Variants in ADAM18 observed in about 807,000 individuals in gnomAD.
The protein encoded by ADAM18 is disintegrin and metalloproteinase domain-containing protein 18.
Under a neutral mutation model 94.4 loss-of-function variants are expected in ADAM18, and 117 were observed. The ratio of observed to expected loss-of-function variants is 1.24; its 90% CI spans 1.07 to 1.45. The LOEUF (loss-of-function observed/expected upper bound fraction) is 1.45, where lower values mean the gene tolerates loss of function less well. Among genes scored for constraint, ADAM18 ranks in the 40% most tolerant of loss-of-function variants. The probability of loss-of-function intolerance (pLI) is 0.00; values close to 1 mark genes in which losing one functional copy is unlikely to be tolerated. For missense variants in ADAM18, 936 were observed against 880.0 expected, an observed-to-expected ratio of 1.06 and a Z score of -0.81; for synonymous variants, 327 against 291.6, an observed-to-expected ratio of 1.12 and a Z score of -1.24.
At chr8:39,719,659 A>G (rs1822692326) in intron 18 of ADAM18, among the ~76,000 whole-genome samples, 1 of 151,482 alleles carries the variant, frequency 6.6e-6, no homozygotes, top group Non-Finnish European at 1.5e-5. Flanking sequence ...AAGCACATGT[A>G]AAGACGCCCA....
intron 17 of ADAM18, among the ~76,000 whole-genome samples, chr8:39,705,809 T>A (rs201809703): frequency 6.6e-6 from 1 of 152,176 alleles, no homozygotes; most frequent in East Asian, 1.9e-4. Flanking sequence ...TTACAGGGAA[T>A]ACTTACACTA....
intron 17 of ADAM18, among the ~76,000 whole-genome samples, chr8:39,697,307 C>T (rs1821953113): frequency 6.6e-6 from 1 of 151,486 alleles, no homozygotes; most frequent in Non-Finnish European, 1.5e-5. Flanking sequence ...ACATTATCTG[C>T]AAATATATTT....
At chr8:39,609,204 A>C in intron 4 of ADAM18, 84 bp downstream of exon 4, 1 of 983,236 alleles carries the variant, frequency 1.0e-6, no homozygotes. Context: ...GTTTAATACA[A>C]ATGTTTTATC....
At chr8:39,661,319 A>ATTTTTTTTTTTTTTTT (rs71518171) in intron 12 of ADAM18, among the ~76,000 whole-genome samples, 2 of 112,852 alleles carry the variant, frequency 1.8e-5, no homozygotes, top group African/African-American at 8.2e-5. Context: ...CACCCGGCAA[A>ATTTTTTTTTTTTTTTT]TTTTTTTTTT....
intron 14 of ADAM18, among the ~76,000 whole-genome samples, chr8:39,674,270 A>G (rs1821236544): frequency 6.6e-6 from 1 of 152,070 alleles, no homozygotes; most frequent in African/African-American, 2.4e-5. Flanking sequence ...GTCTCTTTGT[A>G]GGTCTCTAAG....
At chr8:39,636,829 T>C (rs1037849799) in intron 7 of ADAM18, among the ~76,000 whole-genome samples, 3 of 151,696 alleles carry the variant, frequency 2.0e-5, no homozygotes, top group African/African-American at 7.3e-5. Context: ...CTTTTCACTT[T>C]GTTTCCATGT....
rs781490915 is a variant in ADAM18 at position 39,692,598 on chromosome 8, A to T, written c.1822-2A>T. On this transcript the variant is annotated splice_acceptor_variant, in intron 16 of 19. Coordinates refer to ENST00000265707, the MANE Select transcript of ADAM18 (RefSeq NM_014237.3). LOFTEE classifies it high-confidence loss of function. ...GTAAAATTTTTGTTTGTTTTGTTTTAGTACTGTGTAAATAAAACCTGCAGA... is the reference window on the plus strand; with the variant it reads ...GTAAAATTTTTGTTTGTTTTGTTTTTGTACTGTGTAAATAAAACCTGCAGA... 1 of 1,590,406 alleles carries T rather than the reference A, an allele frequency of 6.3e-7. No homozygotes were observed. The highest frequency in any genetic ancestry group is 1.8e-5 in the Admixed American group (1 of 56,864).
intron 2 of ADAM18, 82 bp from the exon 3 acceptor site, chr8:39,606,223 CTT>C (rs1819079201): frequency 5.4e-6 from 4 of 734,934 alleles, no homozygotes; most frequent in South Asian, 1.9e-5. Context: ...TAGATAGACT[CTT>C]TTTATTAACT....
At chr8:39,587,771 A>G (rs1818448719) in intron 2 of ADAM18, among the ~76,000 whole-genome samples, 1 of 152,150 alleles carries the variant, frequency 6.6e-6, no homozygotes, top group Admixed American at 6.5e-5. Context: ...GATTCCTCAT[A>G]TAAGTAAGTG....
In ADAM18 at chr8:39,654,153, C is replaced by CTTTTTTTTT. The variant is rs1563292600; in HGVS notation, c.1230+5626_1230+5627insTTTTTTTTT. ...TTGCTGCCACTGACAGGATTTCATT[C>CTTTTTTTTT]CTTTTTTTTTTTTTTTTTTTTGGAG... On this transcript the variant is annotated intron_variant, in intron 12 of 19. Transcript: ENST00000265707. 1.2e-4 allele frequency among the ~76,000 whole-genome samples: 14 copies of CTTTTTTTTT among 118,770 alleles called. 2 individuals carry two copies. Among genetic ancestry groups the CTTTTTTTTT allele is most frequent in the African/African-American group, 3.4e-4 (10 of 29,252 alleles). The allele number at this position is 118,770 out of a possible 152,430, so 77.9% of individuals were successfully genotyped here. A position where few individuals can be genotyped will look rare whatever the true frequency, so the allele number is the denominator to read the frequency against.
intron 18 of ADAM18, among the ~76,000 whole-genome samples, chr8:39,713,060 C>A (rs1022711961): frequency 1.4e-4 from 22 of 152,084 alleles, no homozygotes; most frequent in African/African-American, 5.3e-4. Context: ...TTACAGTAAC[C>A]AAAAGAGCAT....
chr8:39,663,619 AAAAAAAAAG>A (rs1820908121), intron 12 of ADAM18, among the ~76,000 whole-genome samples, 167 bp from the exon 13 acceptor site: 1 of 149,402 alleles, frequency 6.7e-6, no homozygotes, highest in Non-Finnish European at 1.5e-5. Flanking sequence ...AAAAAAAAAA[AAAAAAAAAG>A]AAGAAGAAAA....
chr8:39,665,231 T>C (rs1196532711), intron 13 of ADAM18, among the ~76,000 whole-genome samples: 1 of 152,192 alleles, frequency 6.6e-6, no homozygotes, highest in African/African-American at 2.4e-5. Flanking sequence ...CATAATGTAT[T>C]TGAGATACAT....
chr8:39,586,686 C>T (rs1198565736), intron 2 of ADAM18, among the ~76,000 whole-genome samples: 1 of 152,160 alleles, frequency 6.6e-6, no homozygotes, highest in African/African-American at 2.4e-5. Context: ...GTGATTGTGT[C>T]ACTGTACTCC....
chr8:39,606,218 A>T, intron 2 of ADAM18, 89 bp from the exon 3 acceptor site: 1 of 685,870 alleles, frequency 1.5e-6, no homozygotes, highest in Non-Finnish European at 2.4e-6. Context: ...TTTAATAGAT[A>T]GACTCTTTTT....
intron 12 of ADAM18, among the ~76,000 whole-genome samples, chr8:39,658,711 G>A (rs1484278413): frequency 2.0e-5 from 3 of 152,172 alleles, no homozygotes; most frequent in Middle Eastern, 3.2e-3. Context: ...GTTACACTAA[G>A]TAATAAGTAG....
chr8:39,619,960 T>C (rs1324319331), intron 6 of ADAM18, among the ~76,000 whole-genome samples: 1 of 152,116 alleles, frequency 6.6e-6, no homozygotes, highest in Non-Finnish European at 1.5e-5. Flanking sequence ...GAGGAAAATA[T>C]ACTATAAAGC....
At chr8:39,610,818 G>T in intron 6 of ADAM18, 112 bp downstream of exon 6, 1 of 1,326,170 alleles carries the variant, frequency 7.5e-7, no homozygotes, top group South Asian at 2.3e-5. Context: ...TAAATTTTAT[G>T]TATTTTTCTA....
chr8:39,667,239 T>A (rs1821014546), intron 13 of ADAM18, among the ~76,000 whole-genome samples: 1 of 151,770 alleles, frequency 6.6e-6, no homozygotes, highest in South Asian at 2.1e-4. Context: ...CTGTCTTTAC[T>A]AAAAATACAA....
Sources: allele counts gnomAD v4.1 joint callset (sites outside exome capture counted in the v4.1 genomes callset), GRCh38; gene constraint gnomAD v4.1.1; transcripts MANE v1.5; gene names NCBI Gene and HGNC (gene_info 2026-07-23, HGNC 2026-07-21).